The following ZBTB20 variants were observed in gnomAD, a reference collection of about 807,000 sequenced individuals.
ZBTB20 encodes zinc finger and BTB domain containing 20.
A neutral mutation model predicts 56.9 loss-of-function variants in ZBTB20; 9 were observed. That is an observed-to-expected ratio of 0.16 (90% CI 0.10 to 0.28). ZBTB20 has a LOEUF of 0.28. Ranked by LOEUF, ZBTB20 falls within the 10% of genes least tolerant of loss-of-function variation. The pLI is 1.00. For missense variants in ZBTB20, 655 were observed against 1,003.0 expected (o/e 0.65, Z 4.69); for synonymous variants, 417 against 420.7 (o/e 0.99, Z 0.11).
intron 2 of ZBTB20, among the ~76,000 whole-genome samples, chr3:114,986,832 A>T (rs1159582641): frequency 2.0e-5 from 3 of 152,192 alleles, no homozygotes; most frequent in African/African-American, 7.2e-5. Flanking sequence ...AAGATACATT[A>T]CATATTAATT....
intron 1 of ZBTB20, among the ~76,000 whole-genome samples, chr3:115,132,648 G>A (rs2084540008): frequency 6.6e-6 from 1 of 152,110 alleles, no homozygotes; most frequent in African/African-American, 2.4e-5. Flanking sequence ...TGTAATCCCA[G>A]CACTTTGGGT....
At chr3:114,801,297 C>CTTTTT (rs1309085107) in intron 4 of ZBTB20, 123 bp from the exon 5 acceptor site, 1 of 63,062 alleles carries the variant, frequency 1.6e-5, no homozygotes, top group African/African-American at 6.2e-5. Flanking sequence ...CGTGGCTTTT[C>CTTTTT]TTTTTTTCTT....
Position 114,681,321 on chromosome 3 carries a change from C to T in ZBTB20, c.-295+12207G>A, listed in dbSNP as rs369044226. On this transcript the variant is annotated intron_variant, in intron 6 of 11. Transcript: ENST00000675478. ...ACTATTAGGCGTGTGCCACCACGCC[C>T]GGTTAATTTTTGTATTGTTAGTAGA... Among the ~76,000 whole-genome samples the T allele has an allele frequency of 7.5e-4, 114 of 152,206 alleles. 4 individuals carry two copies. The South Asian group carries it at 0.022, about 30-fold the overall frequency.
chr3:114,940,175 G>A (rs1450996208), intron 3 of ZBTB20, among the ~76,000 whole-genome samples: 2 of 146,076 alleles, frequency 1.4e-5, no homozygotes, highest in East Asian at 3.9e-4. Flanking sequence ...AGTGTAAAAT[G>A]AGAAAGGGTA....
intron 7 of ZBTB20, among the ~76,000 whole-genome samples, chr3:114,428,004 C>CA (rs750941499): frequency 3.3e-5 from 5 of 152,096 alleles, no homozygotes; most frequent in Non-Finnish European, 7.4e-5. Context: ...GGGGCATGCC[C>CA]AAAGGCATCT....
At chr3:114,977,146 G>A (rs1016223283) in intron 2 of ZBTB20, among the ~76,000 whole-genome samples, 6 of 152,206 alleles carry the variant, frequency 3.9e-5, no homozygotes, top group African/African-American at 1.2e-4. Context: ...TTTACATGCT[G>A]TCTGACTCCA....
chr3:115,118,364 GTAT>G (rs1484532005), intron 1 of ZBTB20, among the ~76,000 whole-genome samples: 1 of 152,040 alleles, frequency 6.6e-6, no homozygotes, highest in African/African-American at 2.4e-5. Flanking sequence ...TTCCTGGTTT[GTAT>G]TATAGATCTC....
chr3:115,142,302 A>G (rs2084833577), intron 1 of ZBTB20, among the ~76,000 whole-genome samples: 1 of 152,188 alleles, frequency 6.6e-6, no homozygotes, highest in Non-Finnish European at 1.5e-5. Flanking sequence ...CATCCTTACC[A>G]GAAAACAGGA....
chr3:115,082,359 A>G (rs1473465207), intron 1 of ZBTB20, among the ~76,000 whole-genome samples: 4 of 152,168 alleles, frequency 2.6e-5, no homozygotes, highest in Admixed American at 1.3e-4. Flanking sequence ...ATTACTTCTG[A>G]GCGCCTATGC....
intron 7 of ZBTB20, among the ~76,000 whole-genome samples, chr3:114,470,427 A>G (rs893706320): frequency 1.3e-5 from 2 of 152,122 alleles, no homozygotes; most frequent in East Asian, 3.9e-4. Flanking sequence ...TTGCTTTTAA[A>G]TATAGATCTT....
intron 3 of ZBTB20, among the ~76,000 whole-genome samples, chr3:114,961,323 T>C (rs940928722): frequency 8.6e-5 from 13 of 152,046 alleles, no homozygotes; most frequent in Admixed American, 5.9e-4. Context: ...TGGTTTGCAG[T>C]AGGGTTGTAG....
At chr3:114,848,425 G>A (rs976015673) in intron 4 of ZBTB20, among the ~76,000 whole-genome samples, 3 of 152,286 alleles carry the variant, frequency 2.0e-5, no homozygotes, top group Admixed American at 6.5e-5. Context: ...TTATGAGAGC[G>A]TGTGAGCCAA....
chr3:114,858,357 G>T (rs1431544525), intron 4 of ZBTB20, among the ~76,000 whole-genome samples: 1 of 152,054 alleles, frequency 6.6e-6, no homozygotes, highest in African/African-American at 2.4e-5. Context: ...ACTACACAAA[G>T]AAGTAAAAAC....
intron 4 of ZBTB20, among the ~76,000 whole-genome samples, chr3:114,811,843 C>T (rs1296033806): frequency 8.1e-6 from 1 of 123,868 alleles, no homozygotes; most frequent in Non-Finnish European, 1.8e-5. Flanking sequence ...AACTCCGTCA[C>T]CTTGTTGTAT....
At chr3:115,030,122 G>T (rs1324408114) in intron 2 of ZBTB20, among the ~76,000 whole-genome samples, 1 of 150,992 alleles carries the variant, frequency 6.6e-6, no homozygotes, top group Non-Finnish European at 1.5e-5. Flanking sequence ...CATTATTATA[G>T]GAACTTTGTA....
chr3:114,614,805 G>T (rs574336770), intron 6 of ZBTB20, among the ~76,000 whole-genome samples: 35 of 152,194 alleles, frequency 2.3e-4, no homozygotes, highest in African/African-American at 7.7e-4. Context: ...AGGCTGGAGT[G>T]TGCAGTGGTG....
intron 7 of ZBTB20, among the ~76,000 whole-genome samples, chr3:114,468,190 G>A (rs1010428903): frequency 6.6e-6 from 1 of 152,194 alleles, no homozygotes; most frequent in African/African-American, 2.4e-5. Flanking sequence ...ATGTGGGCAA[G>A]TAAGAATACT....
rs535825882 is a variant in ZBTB20, at chr3:115,056,799, T to C, written c.-507+14420A>G. On this transcript the variant is annotated intron_variant, in intron 2 of 11. Coordinates refer to ENST00000675478, the MANE Select transcript of ZBTB20 (RefSeq NM_001348800.3). ...CCATTTATGTAAGTGGTTATCCATATTTCATTATAGGGTGTTTGGGCTTAA... is the reference window on the plus strand; with the variant it reads ...CCATTTATGTAAGTGGTTATCCATACTTCATTATAGGGTGTTTGGGCTTAA... 3.9e-5 allele frequency among the ~76,000 whole-genome samples: 6 copies of C among 152,200 alleles called. No individual in the cohort carries two copies. The East Asian group carries it at 1.2e-3, about 29-fold the overall frequency.
chr3:114,432,204 G>T (rs530693663), intron 7 of ZBTB20, among the ~76,000 whole-genome samples: 2 of 150,784 alleles, frequency 1.3e-5, no homozygotes, highest in East Asian at 3.9e-4. Context: ...ATATAATCCT[G>T]CTTTGATATG....
Sources: allele counts gnomAD v4.1 joint callset (sites outside exome capture counted in the v4.1 genomes callset), GRCh38; gene constraint gnomAD v4.1.1; transcripts MANE v1.5; gene names NCBI Gene and HGNC (gene_info 2026-07-23, HGNC 2026-07-21).